The following ASAH1 variants were observed in gnomAD, a reference collection of about 807,000 sequenced individuals.
The protein encoded by ASAH1 is acid ceramidase.
A neutral mutation model predicts 59.5 loss-of-function variants in ASAH1; 70 were observed. The observed-to-expected ratio is 1.18, with a 90% confidence interval of 0.97 to 1.43. The LOEUF (loss-of-function observed/expected upper bound fraction) is 1.43. Among genes scored for constraint, ASAH1 ranks in the 40% most tolerant of loss-of-function variants. ASAH1 has a pLI of 0.00. For synonymous variants in ASAH1, 213 were observed against 166.5 expected (o/e 1.28, Z -2.15); for missense variants, 660 against 482.5 (o/e 1.37, Z -3.45).
chr8:18,081,927 T>G (rs1351363870), intron 1 of ASAH1, among the ~76,000 whole-genome samples: 3 of 152,168 alleles, frequency 2.0e-5, no homozygotes, highest in Admixed American at 6.5e-5. Flanking sequence ...TAATGAGGCC[T>G]TGGCACAGGA....
At position 18,064,279 on chromosome 8, in the gene ASAH1, C is replaced by A. The variant is rs1288165421; in HGVS notation, c.457+178G>T. ...CAACTTTAATAGGCAGTACAGTAGT[C>A]TGAAAATAAGGAAAATTTTCAGTAC... On this transcript the variant is annotated intron_variant, in intron 6 of 13. Transcript: ENST00000637790. The A allele has an allele frequency of 9.5e-6, 6 of 634,326 alleles. No homozygotes were observed. The Admixed American group carries it at 1.1e-4, about 12-fold the overall frequency. 39.3% of individuals were successfully genotyped at this position (634,326 alleles called of 1,614,324 possible).
At chr8:18,058,041 T>C (rs75698029) in intron 13 of ASAH1, 2,142 of 156,278 alleles carry the variant, frequency 0.014, 57 homozygotes, top group African/African-American at 0.048. Context: ...CCGTGGAGCT[T>C]TGGCTATCCC....
chr8:18,077,429 A>G (rs1800451757), intron 1 of ASAH1, among the ~76,000 whole-genome samples: 1 of 152,146 alleles, frequency 6.6e-6, no homozygotes, highest in Non-Finnish European at 1.5e-5. Flanking sequence ...CTCAATCATT[A>G]TTTTCTCAGC....
At chr8:18,058,579 A>G (rs549533265) in intron 13 of ASAH1, 1 of 497,698 alleles carries the variant, frequency 2.0e-6, no homozygotes, top group East Asian at 3.5e-5. Context: ...AATAAGAGTA[A>G]AATGCTAGCC....
At chr8:18,077,327 G>A (rs933763522) in intron 1 of ASAH1, among the ~76,000 whole-genome samples, 2 of 152,156 alleles carry the variant, frequency 1.3e-5, no homozygotes, top group Non-Finnish European at 2.9e-5. Flanking sequence ...CACAAGTTTT[G>A]TGAATTTGCT....
At chr8:18,061,782 T>G (rs956298208) in intron 8 of ASAH1, 42 bp from the exon 9 acceptor site, 1 of 1,540,712 alleles carries the variant, frequency 6.5e-7, no homozygotes, top group Admixed American at 1.9e-5. Context: ...ACATCAACCA[T>G]GCGCTTTAAG....
intron 1 of ASAH1, among the ~76,000 whole-genome samples, chr8:18,081,740 TATTG>T (rs1800662993): frequency 6.6e-6 from 1 of 152,252 alleles, no homozygotes; most frequent in African/African-American, 2.4e-5. Flanking sequence ...TATTCATATT[TATTG>T]AAAGTACTTT....
At chr8:18,080,167 C>T (rs746407275) in intron 1 of ASAH1, among the ~76,000 whole-genome samples, 20 of 152,272 alleles carry the variant, frequency 1.3e-4, no homozygotes, top group Non-Finnish European at 2.8e-4. Context: ...CTGGCAACTG[C>T]GTGAAAATCA....
chr8:18,077,960 G>C (rs1334458950), intron 1 of ASAH1, among the ~76,000 whole-genome samples: 1 of 152,050 alleles, frequency 6.6e-6, no homozygotes, highest in African/African-American at 2.4e-5. Context: ...GTGGACTTAA[G>C]ACCCTGCTCC....
chr8:18,059,461 G>A lies in ASAH1; in HGVS notation c.921C>T (p.Leu307=), dbSNP rs780542522. 5 of 1,614,116 alleles carry A rather than the reference G, an allele frequency of 3.1e-6. No homozygotes were observed. In the South Asian group the frequency reaches 3.3e-5, roughly 11 times the overall value. ...DRKESLDVYE[L]DAKQGRWYVV... The stretch of plus-strand genomic sequence containing the variant: ...CATACCATCTACCCTGCTTAGCATC[G>A]AGTCTAGATACAAAAGGAGAGATTC... The change falls in exon 12 of 14, where the codon CTC becomes CTT. Residue 307 remains leucine, a synonymous_variant. Transcript: ENST00000637790.
chr8:18,062,191 G>C, intron 8 of ASAH1, 88 bp downstream of exon 8: 1 of 1,562,500 alleles, frequency 6.4e-7, no homozygotes, highest in South Asian at 1.1e-5. Flanking sequence ...ATTCCCTTTA[G>C]GTCCTCATAT....
chr8:18,063,339 T>A, intron 6 of ASAH1, 109 bp from the exon 7 acceptor site: 1 of 1,083,680 alleles, frequency 9.2e-7, no homozygotes, highest in Non-Finnish European at 1.4e-6. Context: ...AGTCTCGTTC[T>A]GTTGGCCAGA....
rs1335943520 is a variant in ASAH1 at position 18,056,630 on chromosome 8, CATA to C, written c.*901_*903del. 2 of 152,218 alleles carry C rather than the reference CATA, an allele frequency of 1.3e-5. No individual in the cohort carries two copies. The highest frequency in any genetic ancestry group is 2.4e-5 in the African/African-American group (1 of 41,456). The allele number at this position is 152,218 out of a possible 1,614,324, so 9.4% of individuals were successfully genotyped here. A position where few individuals can be genotyped will look rare whatever the true frequency, so the allele number is the denominator to read the frequency against. ...GTTTGATTTCTGAAAAATACAGTAA[CATA>C]ATTTTAGTAACTACTAAAATTTCTT... On this transcript the variant is annotated 3_prime_UTR_variant, in exon 14 of 14. Coordinates refer to ENST00000637790, the MANE Select transcript of ASAH1 (RefSeq NM_177924.5).
chr8:18,057,429 GC>G lies in ASAH1; in HGVS notation c.*104del. 2.4e-6 allele frequency: 2 copies of G among 820,566 alleles called. No individual in the cohort carries two copies. The highest frequency in any genetic ancestry group is 4.0e-6 in the Non-Finnish European group (2 of 499,362). 50.8% of individuals were successfully genotyped at this position (820,566 alleles called of 1,614,324 possible). A position where few individuals can be genotyped will look rare whatever the true frequency, so the allele number is the denominator to read the frequency against. ...CAAGCTATTGACTCAAAGAGAACCT[GC>G]CGCGAGTCTTAGTCTTTGGAAGGTC... On this transcript the variant is annotated 3_prime_UTR_variant, in exon 14 of 14. Coordinates refer to ENST00000637790, the MANE Select transcript of ASAH1 (RefSeq NM_177924.5).
intron 5 of ASAH1, chr8:18,065,258 C>T (rs1328336480): frequency 6.6e-6 from 1 of 151,676 alleles, no homozygotes; most frequent in East Asian, 1.9e-4. Context: ...TCTTCTTAAT[C>T]CATAAGGTAT....
intron 13 of ASAH1, chr8:18,058,561 T>C: frequency 4.5e-6 from 2 of 449,144 alleles, no homozygotes; most frequent in Non-Finnish European, 8.0e-6. Flanking sequence ...AGATTTTTAA[T>C]AGATACCAAT....
chr8:18,062,359 C>A lies in ASAH1; in HGVS notation c.568G>T (p.Asp190Tyr). 6.2e-7 allele frequency: 1 copy of A among 1,614,118 alleles called. No individual in the cohort carries two copies. Among genetic ancestry groups the A allele is most frequent in the East Asian group, 2.2e-5 (1 of 44,870 alleles). The change falls in exon 8 of 14, where the codon GAT becomes TAT. Residue 190 changes from aspartate (D) to tyrosine (Y), a missense_variant. Transcript: ENST00000637790. ...EQLKPLTVNL[D>Y]FQRNNKTVFK... ...ACAGTTTTGTTGTTTCTTTGGAAAT[C>A]CAAATTCACTGTTAAAGGTTTTAGT... is the stretch of plus-strand genomic sequence containing the variant.
At chr8:18,062,084 G>A (rs972454905) in intron 8 of ASAH1, 195 bp downstream of exon 8, 1 of 719,074 alleles carries the variant, frequency 1.4e-6, no homozygotes, top group Non-Finnish European at 2.3e-6. Flanking sequence ...TCCCAGAAGA[G>A]GCTCAGAAAC....
Position 18,057,582 on chromosome 8 carries a change from T to A in ASAH1, c.1140A>T (p.Gln380His), listed in dbSNP as rs759594722. 2.5e-6 allele frequency: 4 copies of A among 1,604,910 alleles called. No individual in the cohort carries two copies. Among genetic ancestry groups the A allele is most frequent in the African/African-American group, 1.3e-5 (1 of 74,690 alleles). ...YTTLIDVTKGQFETYLRDCPD... is the reference protein window; with the variant it reads ...YTTLIDVTKGHFETYLRDCPD... ...GGCAGTCCCGCAGGTAAGTTTCGAA[T>A]TGACCTTTGGTAACATCTATCAAGG... The change falls in exon 14 of 14, where the codon CAA becomes CAT. Residue 380 changes from glutamine (Q) to histidine (H), a missense_variant. Physicochemically the swap from Gln to His is conservative, Grantham distance 24 (BLOSUM62 0). Coordinates refer to ENST00000637790, the MANE Select transcript of ASAH1 (RefSeq NM_177924.5).
Sources: allele counts gnomAD v4.1 joint callset (sites outside exome capture counted in the v4.1 genomes callset), GRCh38; gene constraint gnomAD v4.1.1; transcripts MANE v1.5; gene names NCBI Gene and HGNC (gene_info 2026-07-23, HGNC 2026-07-21).